GIPC1: variants seen among roughly 807,000 people sequenced by gnomAD.
The protein encoded by GIPC1 is GIPC PDZ domain containing family member 1.
In GIPC1, 15 loss-of-function variants were observed where a neutral mutation model predicts 28.5. That is an observed-to-expected ratio of 0.53 (90% confidence interval 0.35 to 0.81). The LOEUF (loss-of-function observed/expected upper bound fraction) is 0.81. GIPC1 is among the 30% of genes least tolerant of loss of function. The pLI, the probability that GIPC1 is intolerant of heterozygous loss-of-function variation, is 0.01. For missense variants in GIPC1, 439 were observed against 481.9 expected (o/e 0.91, Z 0.83); for synonymous variants, 224 against 206.1 (o/e 1.09, Z -0.74).
Position 14,478,862 on chromosome 19 carries a change from A to C in GIPC1, c.769-97T>G. ...TTGTCACCACTTTACATATATTCGT[A>C]TTTAGACCTCAGGACAACCCTGAGA... is the stretch of plus-strand genomic sequence containing the variant. On this transcript the variant is annotated intron_variant, in intron 7 of 8. Coordinates refer to ENST00000393033, the MANE Select transcript of GIPC1 (RefSeq NM_005716.4). The surrounding 1 kb of genome is among the most constrained non-coding windows in gnomAD (Gnocchi z 5.2). 4 of 933,748 alleles carry C rather than the reference A, an allele frequency of 4.3e-6. No homozygotes were observed. In the Admixed American group the frequency reaches 7.0e-5, roughly 16 times the overall value. The allele number at this position is 933,748 out of a possible 1,614,324, so 57.8% of individuals were successfully genotyped here.
rs993375166 is a variant in GIPC1, at chr19:14,478,981, A to G, written c.769-216T>C. ...AGGTCCCTGGGAGCTGGGAAGTGGC[A>G]GAAGTGGACTAGAATCCAGGCTGTC... On this transcript the variant is annotated intron_variant, in intron 7 of 8. Transcript: ENST00000393033. The surrounding 1 kb of genome is among the most constrained non-coding windows in gnomAD (Gnocchi z 5.2). Among the ~76,000 whole-genome samples the G allele has an allele frequency of 1.3e-5, 2 of 152,164 alleles. No individual in the cohort carries two copies. The highest frequency in any genetic ancestry group is 3.9e-4 in the East Asian group (2 of 5,186).
At position 14,478,724 on chromosome 19, in the gene GIPC1, G is replaced by A; in HGVS notation, c.810C>T (p.Asp270=). The A allele has an allele frequency of 3.1e-6, 5 of 1,613,776 alleles. No homozygotes were observed. The highest frequency in any genetic ancestry group is 3.4e-6 in the Non-Finnish European group (4 of 1,179,890). ...FEEKAIEKVD[D]LLESYMGIRD... ...TGATACCCATGTAACTCTCCAGCAG[G>A]TCATCCACCTTCTCAATGGCCTTCT... The change falls in exon 8 of 9, where the codon GAC becomes GAT. Residue 270 remains aspartate, a synonymous_variant. Coordinates refer to ENST00000393033, the MANE Select transcript of GIPC1 (RefSeq NM_005716.4). This position sits in a 1 kb window ranked among gnomAD's most constrained non-coding sequence, Gnocchi z 5.2.
Position 14,478,406 on chromosome 19 carries a change from G to T in GIPC1, c.*10C>A. 2 of 1,600,968 alleles carry T rather than the reference G, an allele frequency of 1.2e-6. No homozygotes were observed. The highest frequency in any genetic ancestry group is 1.7e-6 in the Non-Finnish European group (2 of 1,174,112). On this transcript the variant is annotated 3_prime_UTR_variant, in exon 9 of 9. Coordinates refer to ENST00000393033, the MANE Select transcript of GIPC1 (RefSeq NM_005716.4). The surrounding 1 kb of genome is among the most constrained non-coding windows in gnomAD (Gnocchi z 5.2). ...CGCCCGGGTCATCATCGCAGGGTCC[G>T]GGGGCAGTCCTAGTAGCGGCCGACC...
intron 3 of GIPC1, chr19:14,489,372 C>T (rs1241063995): frequency 2.6e-6 from 2 of 783,858 alleles, no homozygotes; most frequent in Admixed American, 3.4e-5. Context: ...ATCTGTGAGC[C>T]CATGGAGTAT....
In GIPC1 at chr19:14,478,033, A is replaced by C. The variant is rs539532714; in HGVS notation, c.*383T>G. Reference sequence around the variant, plus strand: ...TCTCCCCTGTATTCCCTGCGTCAGGAAACTAGGAAGGTCATGACCCCCAAA... The same window carrying C: ...TCTCCCCTGTATTCCCTGCGTCAGGCAACTAGGAAGGTCATGACCCCCAAA... On this transcript the variant is annotated 3_prime_UTR_variant, in exon 9 of 9. Coordinates refer to ENST00000393033, the MANE Select transcript of GIPC1 (RefSeq NM_005716.4). This position sits in a 1 kb window ranked among gnomAD's most constrained non-coding sequence, Gnocchi z 5.2. The C allele has an allele frequency of 1.0e-5, 2 of 200,904 alleles. No individual in the cohort carries two copies. Among genetic ancestry groups the C allele is most frequent in the South Asian group, 2.6e-4 (2 of 7,840 alleles). The allele number at this position is 200,904 out of a possible 1,614,324, so 12.4% of individuals were successfully genotyped here.
intron 3 of GIPC1, among the ~76,000 whole-genome samples, chr19:14,489,049 C>G (rs925221059): frequency 1.3e-5 from 2 of 151,990 alleles, no homozygotes; most frequent in African/African-American, 4.8e-5. Flanking sequence ...TCTCAACCTC[C>G]TGAATAGCTG....
chr19:14,488,569 T>C (rs1291366597), intron 3 of GIPC1, among the ~76,000 whole-genome samples: 3 of 152,052 alleles, frequency 2.0e-5, no homozygotes, highest in Non-Finnish European at 2.9e-5. Flanking sequence ...CTGACCAACA[T>C]GGTGAAACCC....
rs2146495292 is a variant in GIPC1 at position 14,492,907 on chromosome 19, C to T, written c.-169G>A. On this transcript the variant is annotated 5_prime_UTR_variant, in exon 2 of 9. Coordinates refer to ENST00000393033, the MANE Select transcript of GIPC1 (RefSeq NM_005716.4). ...ACTTCACATCACAGGGCCTCAGTTTCTTCATCTGAAAAATGGGTGGAATTC... is the reference window on the plus strand; with the variant it reads ...ACTTCACATCACAGGGCCTCAGTTTTTTCATCTGAAAAATGGGTGGAATTC... The T allele has an allele frequency of 6.6e-6, 1 of 152,434 alleles. No individual in the cohort carries two copies. The highest frequency in any genetic ancestry group is 1.9e-4 in the East Asian group (1 of 5,186). The allele number at this position is 152,434 out of a possible 1,614,324, so 9.4% of individuals were successfully genotyped here.
chr19:14,480,073 C>G lies in GIPC1; in HGVS notation c.655+232G>C. ...AGGGCGCTTGGCTGGGCTAATGGCC[C>G]CTGGAAGCTAGGTGTGAGGGCAACT... On this transcript the variant is annotated intron_variant, in intron 6 of 8. Coordinates refer to ENST00000393033, the MANE Select transcript of GIPC1 (RefSeq NM_005716.4). 5.1e-6 allele frequency: 3 copies of G among 593,272 alleles called. 1 individual carries two copies. In the South Asian group the frequency reaches 6.0e-5, roughly 12 times the overall value. The allele number at this position is 593,272 out of a possible 1,614,324, so 36.8% of individuals were successfully genotyped here. A position where few individuals can be genotyped will look rare whatever the true frequency, so the allele number is the denominator to read the frequency against.
chr19:14,480,265 G>T, intron 6 of GIPC1, 40 bp downstream of exon 6: 4 of 1,565,042 alleles, frequency 2.6e-6, no homozygotes, highest in Non-Finnish European at 1.8e-6. Context: ...GCGCCCATGC[G>T]AGCAGCGCCA....
intron 4 of GIPC1, 63 bp from the exon 5 acceptor site, chr19:14,480,841 G>C: frequency 8.4e-7 from 1 of 1,186,134 alleles, no homozygotes; most frequent in South Asian, 1.4e-5. Flanking sequence ...ATCACCACTG[G>C]AGGGCGAAGG....
At chr19:14,495,733 C>T (rs551783994) in intron 1 of GIPC1, among the ~76,000 whole-genome samples, 1 of 152,182 alleles carries the variant, frequency 6.6e-6, no homozygotes, top group Admixed American at 6.5e-5. Flanking sequence ...ACACTGACCC[C>T]GCGCCTGTCC....
rs1344812042 is a variant in GIPC1, at chr19:14,496,072, C to CCGT, written c.-211_-210insACG. ...GCCGCCGCCGCCGCCGCCGCCGCCG[C>CCGT]CGCTGCCTCCGCCTCCCCGTGCGCA... On this transcript the variant is annotated 5_prime_UTR_variant, in exon 1 of 9. Coordinates refer to ENST00000393033, the MANE Select transcript of GIPC1 (RefSeq NM_005716.4). 1 of 246,402 alleles carries CCGT rather than the reference C, an allele frequency of 4.1e-6. No individual in the cohort carries two copies. The highest frequency in any genetic ancestry group is 7.6e-6 in the Non-Finnish European group (1 of 131,810). 15.3% of individuals were successfully genotyped at this position (246,402 alleles called of 1,614,324 possible).
chr19:14,486,513 G>A (rs1441819383), intron 3 of GIPC1, among the ~76,000 whole-genome samples: 1 of 152,048 alleles, frequency 6.6e-6, no homozygotes, highest in Non-Finnish European at 1.5e-5. Flanking sequence ...GCAGGGTGAT[G>A]AGCCACATTT....
intron 3 of GIPC1, among the ~76,000 whole-genome samples, chr19:14,485,384 T>C (rs1015846669): frequency 1.3e-5 from 2 of 151,354 alleles, no homozygotes; most frequent in Admixed American, 1.3e-4. Flanking sequence ...CCTGGTGCGA[T>C]GGCTCACATC....
chr19:14,484,876 A>G (rs1004953065), intron 3 of GIPC1, among the ~76,000 whole-genome samples: 4 of 151,682 alleles, frequency 2.6e-5, no homozygotes, highest in African/African-American at 9.7e-5. Context: ...TGCTGGGAGT[A>G]CAGGAATGAG....
intron 6 of GIPC1, chr19:14,480,024 G>C (rs1254985797): frequency 3.5e-6 from 2 of 569,336 alleles, no homozygotes; most frequent in South Asian, 2.0e-5. Flanking sequence ...TGGCCTGTTG[G>C]GGATAGGGGG....
In GIPC1 at chr19:14,495,319, G is replaced by T. The variant is rs904623705; in HGVS notation, c.-175+718C>A. 7.9e-5 allele frequency among the ~76,000 whole-genome samples: 12 copies of T among 152,104 alleles called. No individual in the cohort carries two copies. The East Asian group carries it at 2.1e-3, about 27-fold the overall frequency. On this transcript the variant is annotated intron_variant, in intron 1 of 8. Coordinates refer to ENST00000393033, the MANE Select transcript of GIPC1 (RefSeq NM_005716.4). ...GGCCCTGATGATGAGTACGGGGTAG[G>T]GGGTGGGAGGGGTAGGGGGCCGGAG...
chr19:14,481,489 G>A (rs1356468587), intron 4 of GIPC1, among the ~76,000 whole-genome samples: 1 of 152,048 alleles, frequency 6.6e-6, no homozygotes, highest in Non-Finnish European at 1.5e-5. Flanking sequence ...TTGGGAGGCC[G>A]AGGTGGGCAG....
Sources: gnomAD v4.1 joint callset for allele counts (sites outside exome capture counted in the v4.1 genomes callset) on GRCh38, gnomAD v4.1.1 for gene constraint, Gnocchi (gnomAD v3.1) non-coding constraint, MANE v1.5 for transcripts, NCBI Gene and HGNC (gene_info 2026-07-23, HGNC 2026-07-21) for gene names.